LRRC4C: variants seen among roughly 807,000 people sequenced by gnomAD.
LRRC4C encodes leucine-rich repeat-containing protein 4C.
In LRRC4C, 5 loss-of-function variants were observed where a neutral mutation model predicts 33.6. That is an observed-to-expected ratio of 0.15 (90% CI 0.08 to 0.31). The LOEUF (loss-of-function observed/expected upper bound fraction) is 0.31, where lower values mean the gene tolerates loss of function less well. LRRC4C is among the 10% of genes least tolerant of loss of function. The pLI is 1.00. For synonymous variants in LRRC4C, 329 were observed against 302.0 expected (o/e 1.09, Z -0.93); for missense variants, 560 against 796.7 (o/e 0.70, Z 3.58).
At chr11:40,695,273 A>C (rs11036026) in intron 2 of LRRC4C, among the ~76,000 whole-genome samples, 32,788 of 152,054 alleles carry the variant, frequency 0.22, 5,261 homozygotes, top group African/African-American at 0.45. Flanking sequence ...GTATACTCGG[A>C]CTAGTTTGAT....
chr11:40,890,268 A>G (rs1465437755), intron 2 of LRRC4C, among the ~76,000 whole-genome samples: 1 of 152,202 alleles, frequency 6.6e-6, no homozygotes, highest in Non-Finnish European at 1.5e-5. Context: ...AAGGCTGGGA[A>G]GTCCAATATC....
At chr11:40,901,783 T>A (rs558859137) in intron 2 of LRRC4C, among the ~76,000 whole-genome samples, 1 of 152,054 alleles carries the variant, frequency 6.6e-6, no homozygotes, top group Non-Finnish European at 1.5e-5. Context: ...AGCAACTGGA[T>A]TGATTCAAAG....
chr11:40,463,652 A>G (rs1423010225), intron 3 of LRRC4C, among the ~76,000 whole-genome samples: 4 of 152,118 alleles, frequency 2.6e-5, no homozygotes, highest in Non-Finnish European at 5.9e-5. Flanking sequence ...ATTCTAACAT[A>G]TGCATTATGT....
At chr11:40,518,003 A>G (rs1242013821) in intron 3 of LRRC4C, among the ~76,000 whole-genome samples, 1 of 152,194 alleles carries the variant, frequency 6.6e-6, no homozygotes, top group Non-Finnish European at 1.5e-5. Flanking sequence ...AAAATAAGCA[A>G]TGGGGAAAGG....
chr11:40,404,528 C>A (rs1949886713), intron 3 of LRRC4C, among the ~76,000 whole-genome samples: 1 of 152,058 alleles, frequency 6.6e-6, no homozygotes, highest in African/African-American at 2.4e-5. Context: ...TTCCTTCTAC[C>A]TCACAAGTGA....
At chr11:40,293,361 G>C (rs564875383) in intron 4 of LRRC4C, 11 of 151,770 alleles carry the variant, frequency 7.2e-5, no homozygotes, top group African/African-American at 2.7e-4. Flanking sequence ...CCAGCACCCG[G>C]TCCAGATCCT....
chr11:40,629,900 A>G (rs557115674), intron 3 of LRRC4C, among the ~76,000 whole-genome samples: 11 of 152,186 alleles, frequency 7.2e-5, no homozygotes, highest in Non-Finnish European at 1.5e-4. Flanking sequence ...GATACAGAGC[A>G]TATGTTAAAT....
At position 40,231,853 on chromosome 11, in the gene LRRC4C, T is replaced by G. The variant is rs1865222605; in HGVS notation, c.-96+9666A>C. Among the ~76,000 whole-genome samples the G allele has an allele frequency of 2.0e-5, 3 of 152,332 alleles. No individual in the cohort carries two copies. In the South Asian group the frequency reaches 6.2e-4, roughly 32 times the overall value. ...TCTCCTTATTTAAACACTGAAAGTT[T>G]TGTATCTTTTTCTATTTCAATTTTT... On this transcript the variant is annotated intron_variant, in intron 5 of 6. Coordinates refer to ENST00000528697, the MANE Select transcript of LRRC4C (RefSeq NM_001258419.2).
At chr11:40,457,242 T>A (rs570063540) in intron 3 of LRRC4C, among the ~76,000 whole-genome samples, 1 of 152,012 alleles carries the variant, frequency 6.6e-6, no homozygotes, top group African/African-American at 2.4e-5. Context: ...TAAAAAAATT[T>A]AAAAATTACA....
Position 40,363,424 on chromosome 11 carries a change from G to C in LRRC4C, c.-269-43703C>G, listed in dbSNP as rs141375473. Among the ~76,000 whole-genome samples the C allele has an allele frequency of 8.8e-3, 1,341 of 152,262 alleles. 8 individuals are homozygous for C. The highest frequency in any genetic ancestry group is 0.012 in the Non-Finnish European group (850 of 68,016). On this transcript the variant is annotated intron_variant, in intron 3 of 6. Transcript: ENST00000528697. ...GCCTATTGGAGGGTGAAGGCTGGGA[G>C]GAGGGAGAGGATCAGGGAAAATAAA...
At chr11:40,595,291 T>G (rs995175765) in intron 3 of LRRC4C, among the ~76,000 whole-genome samples, 2 of 152,088 alleles carry the variant, frequency 1.3e-5, no homozygotes, top group Admixed American at 1.3e-4. Flanking sequence ...CGGTAGGGAC[T>G]TACATGCTGG....
At chr11:40,802,204 T>C (rs1438112011) in intron 2 of LRRC4C, among the ~76,000 whole-genome samples, 2 of 152,174 alleles carry the variant, frequency 1.3e-5, no homozygotes. Context: ...CTGCACACAT[T>C]AGGAGATGTC....
At chr11:40,172,259 A>G (rs1020687709) in intron 5 of LRRC4C, among the ~76,000 whole-genome samples, 5 of 152,150 alleles carry the variant, frequency 3.3e-5, no homozygotes, top group African/African-American at 9.7e-5. Context: ...TTATTTTGTT[A>G]TAGTAGCACA....
chr11:41,331,665 A>G (rs1016288429), intron 1 of LRRC4C, among the ~76,000 whole-genome samples: 2 of 152,044 alleles, frequency 1.3e-5, no homozygotes, highest in African/African-American at 4.8e-5. Context: ...ATCTTCTCAT[A>G]CTTTTATTCA....
chr11:40,650,351 T>A (rs1177436772), intron 2 of LRRC4C, among the ~76,000 whole-genome samples: 4 of 152,104 alleles, frequency 2.6e-5, no homozygotes, highest in Non-Finnish European at 4.4e-5. Flanking sequence ...GAGATTCACA[T>A]AAACCATCTG....
chr11:41,210,312 G>T (rs1946769648), intron 1 of LRRC4C, among the ~76,000 whole-genome samples: 1 of 152,050 alleles, frequency 6.6e-6, no homozygotes, highest in Non-Finnish European at 1.5e-5. Flanking sequence ...ACTGAATCAT[G>T]GGGGCGGTTT....
At position 40,918,386 on chromosome 11, in the gene LRRC4C, A is replaced by G. The variant is rs1957047167; in HGVS notation, c.-407+15249T>C. Among the ~76,000 whole-genome samples the G allele has an allele frequency of 2.0e-5, 3 of 151,386 alleles. No homozygotes were observed. The South Asian group carries it at 6.2e-4, about 31-fold the overall frequency. On this transcript the variant is annotated intron_variant, in intron 2 of 6. Coordinates refer to ENST00000528697, the MANE Select transcript of LRRC4C (RefSeq NM_001258419.2). Reference sequence around the variant, plus strand: ...CCTGCAAATGCATATTTATATATTTATATTTATATTTATATATATGGAATC... The same window carrying G: ...CCTGCAAATGCATATTTATATATTTGTATTTATATTTATATATATGGAATC...
intron 3 of LRRC4C, among the ~76,000 whole-genome samples, chr11:40,605,223 G>T (rs1591253669): frequency 6.6e-6 from 1 of 152,064 alleles, no homozygotes; most frequent in African/African-American, 2.4e-5. Context: ...TTTTTTTAAT[G>T]GGCTTAAAAT....
intron 1 of LRRC4C, among the ~76,000 whole-genome samples, chr11:41,363,595 G>C (rs979629778): frequency 2.6e-5 from 4 of 152,072 alleles, no homozygotes; most frequent in Non-Finnish European, 5.9e-5. Context: ...TTCTCTATCA[G>C]CTCCCGTCAG....
Sources: allele counts gnomAD v4.1 joint callset (sites outside exome capture counted in the v4.1 genomes callset), GRCh38; gene constraint gnomAD v4.1.1; transcripts MANE v1.5; gene names NCBI Gene and HGNC (gene_info 2026-07-23, HGNC 2026-07-21).